Variants in RSPO2 observed in about 807,000 individuals in gnomAD.
The protein encoded by RSPO2 is R-spondin-2.
In RSPO2, 14 loss-of-function variants were observed where a neutral mutation model predicts 30.9. The observed-to-expected ratio is 0.45, with a 90% CI of 0.30 to 0.71. The LOEUF is 0.71. Among genes scored for constraint, RSPO2 ranks in the 30% least tolerant of loss-of-function variants. The pLI, the probability that RSPO2 is intolerant of heterozygous loss-of-function variation, is 0.08. For missense variants in RSPO2, 264 were observed against 301.9 expected, an observed-to-expected ratio of 0.87 and a Z score of 0.93; for synonymous variants, 107 against 96.4, an observed-to-expected ratio of 1.11 and a Z score of -0.64.
intron 5 of RSPO2, among the ~76,000 whole-genome samples, chr8:107,926,576 A>T (rs947525244): frequency 4.0e-5 from 6 of 151,860 alleles, no homozygotes; most frequent in African/African-American, 1.4e-4. Flanking sequence ...CTTTTATATA[A>T]GGTGTAAGAA....
intron 2 of RSPO2, among the ~76,000 whole-genome samples, chr8:108,013,405 G>A (rs1277252160): frequency 6.6e-6 from 1 of 152,166 alleles, no homozygotes; most frequent in Non-Finnish European, 1.5e-5. Context: ...CTACCATTCA[G>A]TAGAGATTAG....
intron 2 of RSPO2, among the ~76,000 whole-genome samples, chr8:108,019,775 T>C (rs1811002008): frequency 6.6e-6 from 1 of 152,208 alleles, no homozygotes; most frequent in African/African-American, 2.4e-5. Flanking sequence ...GTGACATTTT[T>C]CTGACAAATA....
At position 107,958,253 on chromosome 8, in the gene RSPO2, C is replaced by G. The variant is rs1418395272; in HGVS notation, c.443G>C (p.Gly148Ala). The change falls in exon 5 of 6, where the codon GGT (glycine) becomes GCT (alanine). Residue 148 changes from glycine to alanine, a missense_variant. Gly to Ala is a moderately conservative substitution (Grantham distance 60). Transcript: ENST00000276659. ...TMECVEGCEV[G>A]HWSEWGTCSR... ...ACAAGTTCCCCATTCGCTCCAATGACCAACTTCACATCCTTCTAGTAAAGA... is the reference window on the plus strand; with the variant it reads ...ACAAGTTCCCCATTCGCTCCAATGAGCAACTTCACATCCTTCTAGTAAAGA... 2.5e-6 allele frequency: 4 copies of G among 1,613,126 alleles called. No individual in the cohort carries two copies. The highest frequency in any genetic ancestry group is 3.4e-6 in the Non-Finnish European group (4 of 1,179,334).
intron 5 of RSPO2, among the ~76,000 whole-genome samples, chr8:107,947,809 G>A (rs1813114266): frequency 6.6e-6 from 1 of 152,138 alleles, no homozygotes; most frequent in African/African-American, 2.4e-5. Flanking sequence ...TCTTCTCCAT[G>A]GACACACTTC....
chr8:107,922,076 A>G (rs1812192323), intron 5 of RSPO2, among the ~76,000 whole-genome samples: 1 of 152,166 alleles, frequency 6.6e-6, no homozygotes, highest in Non-Finnish European at 1.5e-5. Context: ...CTTTTATTCA[A>G]CATAGTATTG....
rs916218009 is a variant in RSPO2, at chr8:108,033,257, C to G, written c.95-44013G>C. On this transcript the variant is annotated intron_variant, in intron 2 of 5. Coordinates refer to ENST00000276659, the MANE Select transcript of RSPO2 (RefSeq NM_178565.5). Reference sequence around the variant, plus strand: ...ATTATTGATCACCACCACCTTCTTTCATCTCCAAGGTCCAGTATGTCATCA... The same window carrying G: ...ATTATTGATCACCACCACCTTCTTTGATCTCCAAGGTCCAGTATGTCATCA... Among the ~76,000 whole-genome samples, 120 of 152,054 alleles carry G rather than the reference C, an allele frequency of 7.9e-4. 3 individuals carry two copies. Among genetic ancestry groups the G allele is most frequent in the Non-Finnish European group, 2.4e-4 (16 of 68,000 alleles).
At chr8:107,950,243 C>T (rs1813198621) in intron 5 of RSPO2, among the ~76,000 whole-genome samples, 1 of 151,756 alleles carries the variant, frequency 6.6e-6, no homozygotes, top group East Asian at 1.9e-4. Flanking sequence ...TAAACAGATA[C>T]ATACATATGT....
chr8:107,988,186 T>C (rs1814715389), intron 3 of RSPO2, among the ~76,000 whole-genome samples: 1 of 152,100 alleles, frequency 6.6e-6, no homozygotes, highest in Admixed American at 6.5e-5. Flanking sequence ...ATGTACAAAA[T>C]GCCATTCCTT....
chr8:107,901,944 C>A lies in RSPO2; in HGVS notation c.617-754G>T, dbSNP rs139963659. Among the ~76,000 whole-genome samples, 58 of 152,288 alleles carry A rather than the reference C, an allele frequency of 3.8e-4. 1 individual carries two copies. Among genetic ancestry groups the A allele is most frequent in the Middle Eastern group, 3.4e-3 (1 of 294 alleles). On this transcript the variant is annotated intron_variant, in intron 5 of 5. Transcript: ENST00000276659. ...CAAGCTAACTAGTTGAGGTTTTCCT[C>A]CAGCAGGAATTTTTTAAATGCTGTT...
At chr8:108,055,767 C>A (rs1164038964) in intron 2 of RSPO2, among the ~76,000 whole-genome samples, 1 of 152,032 alleles carries the variant, frequency 6.6e-6, no homozygotes, top group African/African-American at 2.4e-5. Flanking sequence ...TTATCCACAA[C>A]AGGAACAGGC....
At chr8:108,030,461 C>G (rs1323349431) in intron 2 of RSPO2, among the ~76,000 whole-genome samples, 1 of 152,162 alleles carries the variant, frequency 6.6e-6, no homozygotes. Context: ...TCATGGGCCA[C>G]AGACATTGAC....
chr8:107,983,564 A>G, intron 3 of RSPO2: 12 of 1,599,896 alleles, frequency 7.5e-6, no homozygotes, highest in Non-Finnish European at 1.0e-5. Flanking sequence ...CAAAAGAGTG[A>G]GCCAGCAGAG....
In RSPO2 at chr8:107,960,774, A is replaced by G; in HGVS notation, c.327T>C (p.Phe109=). The change falls in exon 4 of 6, where the codon TTT becomes TTC. Residue 109 remains phenylalanine, a synonymous_variant. Coordinates refer to ENST00000276659, the MANE Select transcript of RSPO2 (RefSeq NM_178565.5). ...AAAAGCCTACTTTGCACTTGGTACA[A>G]AAGTCTTTGCTAAAGCAAGAATCAC... ...ENCDSCFSKD[F]CTKCKVGFYL... is the part of the protein sequence containing the mutation. 1 of 1,611,430 alleles carries G rather than the reference A, an allele frequency of 6.2e-7. No homozygotes were observed.
chr8:108,064,232 G>A (rs1366241496), intron 2 of RSPO2, among the ~76,000 whole-genome samples: 2 of 152,080 alleles, frequency 1.3e-5, no homozygotes, highest in Non-Finnish European at 1.5e-5. Context: ...TACCATCAGA[G>A]TGAAACAGGC....
chr8:107,992,692 G>A (rs559811360), intron 2 of RSPO2, among the ~76,000 whole-genome samples: 1 of 152,236 alleles, frequency 6.6e-6, no homozygotes, highest in Non-Finnish European at 1.5e-5. Flanking sequence ...ACATTTACAT[G>A]CCATGAGAAT....
At chr8:108,067,323 G>T (rs1416909533) in intron 2 of RSPO2, among the ~76,000 whole-genome samples, 1 of 152,120 alleles carries the variant, frequency 6.6e-6, no homozygotes, top group Non-Finnish European at 1.5e-5. Flanking sequence ...AACGAATTTT[G>T]TCAGGTAGAT....
chr8:107,958,192 A>G lies in RSPO2; in HGVS notation c.504T>C (p.Gly168=). The G allele has an allele frequency of 6.2e-7, 1 of 1,613,460 alleles. No individual in the cohort carries two copies. The highest frequency in any genetic ancestry group is 8.5e-7 in the Non-Finnish European group (1 of 1,179,766). The change falls in exon 5 of 6, where the codon GGT becomes GGC. Residue 168 remains glycine (G), a synonymous_variant. Transcript: ENST00000276659. ...CAATTTGCCGTGTTCTGGTTTCCAGACCCCATTTAAATCCACATGTGCGAT... is the reference window on the plus strand; with the variant it reads ...CAATTTGCCGTGTTCTGGTTTCCAGGCCCCATTTAAATCCACATGTGCGAT... The part of the protein sequence containing the change: ...RNNRTCGFKW[G]LETRTRQIVK...
chr8:108,025,139 A>C (rs1170273152), intron 2 of RSPO2, among the ~76,000 whole-genome samples: 1 of 152,254 alleles, frequency 6.6e-6, no homozygotes, highest in Non-Finnish European at 1.5e-5. Flanking sequence ...ACATATATAC[A>C]CTTATACTTC....
At chr8:107,973,532 T>TCA (rs4035018) in intron 3 of RSPO2, among the ~76,000 whole-genome samples, 67 of 149,648 alleles carry the variant, frequency 4.5e-4, no homozygotes, top group African/African-American at 8.1e-4. Flanking sequence ...AGACACACAC[T>TCA]CACACACACA....
Sources: gnomAD v4.1 joint callset for allele counts (sites outside exome capture counted in the v4.1 genomes callset) on GRCh38, gnomAD v4.1.1 for gene constraint, MANE v1.5 for transcripts, NCBI Gene and HGNC (gene_info 2026-07-23, HGNC 2026-07-21) for gene names.